UNC5D: variants seen among roughly 807,000 people sequenced by gnomAD.
The protein encoded by UNC5D is netrin receptor UNC5D.
Under a neutral mutation model 105.4 loss-of-function variants are expected in UNC5D, and 39 were observed. The ratio of observed to expected loss-of-function variants is 0.37; its 90% CI spans 0.29 to 0.48. UNC5D has a LOEUF of 0.48. Ranked by LOEUF, UNC5D falls within the 20% of genes least tolerant of loss-of-function variation. The probability of loss-of-function intolerance (pLI) is 0.98; values close to 1 mark genes in which losing one functional copy is unlikely to be tolerated. For synonymous variants in UNC5D, 452 were observed against 450.4 expected, an observed-to-expected ratio of 1.00 and a Z score of -0.04; for missense variants, 991 against 1,202.4, an observed-to-expected ratio of 0.82 and a Z score of 2.60.
At chr8:35,430,096 A>G (rs1298010074) in intron 1 of UNC5D, among the ~76,000 whole-genome samples, 12 of 152,106 alleles carry the variant, frequency 7.9e-5, no homozygotes, top group Non-Finnish European at 7.4e-5. Context: ...AAGTAGCTCC[A>G]GGATGGTGAC....
rs751336124 is a variant in UNC5D, at chr8:35,790,424, G to T, written c.2723G>T (p.Arg908Leu). Reference sequence around the variant, plus strand: ...GTCATTTTGAACCTGTGGGAAGCTCGTCATCAGCATGATGGTGATCTTGAC... The same window carrying T: ...GTCATTTTGAACCTGTGGGAAGCTCTTCATCAGCATGATGGTGATCTTGAC... ...SAVILNLWEA[R>L]HQHDGDLDSL... The change falls in exon 17 of 17, where the codon CGT becomes CTT. Residue 908 changes from arginine (R) to leucine (L), a missense_variant. This residue lies in a region of UNC5D where 45 missense variants were observed against 54.5 expected (regional missense o/e 0.83). Transcript: ENST00000404895. 6.2e-7 allele frequency: 1 copy of T among 1,613,894 alleles called. No individual in the cohort carries two copies.
intron 1 of UNC5D, among the ~76,000 whole-genome samples, chr8:35,238,009 C>G (rs888773205): frequency 3.4e-4 from 51 of 152,200 alleles, no homozygotes; most frequent in African/African-American, 1.2e-3. Context: ...GACCACTAGT[C>G]TCACCATACT....
intron 4 of UNC5D, among the ~76,000 whole-genome samples, chr8:35,635,437 C>T (rs1253526420): frequency 6.6e-6 from 1 of 152,166 alleles, no homozygotes; most frequent in African/African-American, 2.4e-5. Context: ...CCAAGGTCTA[C>T]TCACCTATCC....
intron 6 of UNC5D, among the ~76,000 whole-genome samples, chr8:35,684,973 C>A (rs926811714): frequency 6.6e-6 from 1 of 152,216 alleles, no homozygotes; most frequent in Non-Finnish European, 1.5e-5. Context: ...TCAGATGACA[C>A]TGAACATTCA....
At chr8:35,588,947 G>A (rs1818971972) in intron 3 of UNC5D, among the ~76,000 whole-genome samples, 1 of 152,064 alleles carries the variant, frequency 6.6e-6, no homozygotes, top group East Asian at 1.9e-4. Context: ...GGAGGTTGAG[G>A]CAGGAGAATT....
At chr8:35,631,672 T>C (rs894816680) in intron 4 of UNC5D, among the ~76,000 whole-genome samples, 7 of 152,192 alleles carry the variant, frequency 4.6e-5, no homozygotes, top group African/African-American at 1.7e-4. Flanking sequence ...CTTATTCTGA[T>C]CTTACTGACA....
intron 1 of UNC5D, among the ~76,000 whole-genome samples, chr8:35,435,760 A>T (rs1264678612): frequency 6.6e-6 from 1 of 152,102 alleles, no homozygotes; most frequent in Non-Finnish European, 1.5e-5. Context: ...CCTCTGGTTT[A>T]TGGAATCATT....
At chr8:35,693,379 TG>T (rs2131383073) in intron 7 of UNC5D, among the ~76,000 whole-genome samples, 1 of 152,314 alleles carries the variant, frequency 6.6e-6, no homozygotes, top group South Asian at 2.1e-4. Flanking sequence ...TTTTATGCCT[TG>T]TTAATAAAAA....
At chr8:35,344,983 A>C (rs1811703726) in intron 1 of UNC5D, among the ~76,000 whole-genome samples, 1 of 152,034 alleles carries the variant, frequency 6.6e-6, no homozygotes, top group Non-Finnish European at 1.5e-5. Context: ...TAATCTAAAC[A>C]TGTGTCTAGC....
chr8:35,393,943 T>C (rs988923667), intron 1 of UNC5D, among the ~76,000 whole-genome samples: 2 of 152,186 alleles, frequency 1.3e-5, no homozygotes, highest in African/African-American at 2.4e-5. Flanking sequence ...TTTGCTTTCA[T>C]CTTCTTTTTT....
chr8:35,677,894 GTGTGTGTGTGTGTA>G (rs975156775), intron 4 of UNC5D, among the ~76,000 whole-genome samples: 24 of 150,538 alleles, frequency 1.6e-4, no homozygotes, highest in Non-Finnish European at 3.0e-4. Flanking sequence ...GAGTGTCTGT[GTGTGTGTGTGTGTA>G]TGTGTGTGTG....
chr8:35,572,116 G>T (rs568638972), intron 3 of UNC5D, among the ~76,000 whole-genome samples: 2 of 151,792 alleles, frequency 1.3e-5, no homozygotes, highest in African/African-American at 4.8e-5. Context: ...TCGAAACCCC[G>T]TCTTTACAAA....
intron 1 of UNC5D, among the ~76,000 whole-genome samples, chr8:35,486,964 A>G (rs1810861813): frequency 6.6e-6 from 1 of 152,164 alleles, no homozygotes; most frequent in African/African-American, 2.4e-5. Context: ...CTCCCAGGAC[A>G]GGGCTCAGGC....
At chr8:35,693,468 T>C (rs1563675822) in intron 7 of UNC5D, among the ~76,000 whole-genome samples, 2 of 152,196 alleles carry the variant, frequency 1.3e-5, no homozygotes, top group East Asian at 1.9e-4. Context: ...TTATGATGGA[T>C]GCGTATTTCA....
chr8:35,544,225 G>T (rs1455604564), intron 1 of UNC5D, among the ~76,000 whole-genome samples: 2 of 152,102 alleles, frequency 1.3e-5, no homozygotes, highest in African/African-American at 2.4e-5. Flanking sequence ...TTCTGCTAAC[G>T]GAGTTTCCAC....
At chr8:35,637,071 A>G (rs1163141579) in intron 4 of UNC5D, among the ~76,000 whole-genome samples, 1 of 152,220 alleles carries the variant, frequency 6.6e-6, no homozygotes, top group Non-Finnish European at 1.5e-5. Flanking sequence ...GATCATGCCC[A>G]GGAACATAGT....
At chr8:35,255,920 A>G (rs1314315497) in intron 1 of UNC5D, 1 of 152,220 alleles carries the variant, frequency 6.6e-6, no homozygotes, top group Non-Finnish European at 1.5e-5. Context: ...GAAATAATTA[A>G]GAGGTAGAAA....
chr8:35,708,305 A>T (rs577166476), intron 8 of UNC5D, among the ~76,000 whole-genome samples: 1 of 152,286 alleles, frequency 6.6e-6, no homozygotes. Flanking sequence ...AACTGGGGAA[A>T]ATATGTGCAC....
intron 1 of UNC5D, among the ~76,000 whole-genome samples, chr8:35,344,526 T>G (rs773014762): frequency 6.6e-6 from 1 of 152,050 alleles, no homozygotes; most frequent in Admixed American, 6.6e-5. Context: ...TTGGGAGTGC[T>G]TTAAATATTG....
Sources: allele counts gnomAD v4.1 joint callset (sites outside exome capture counted in the v4.1 genomes callset), GRCh38; gene constraint gnomAD v4.1.1; regional missense constraint gnomAD v4.1.1; transcripts MANE v1.5; gene names NCBI Gene and HGNC (gene_info 2026-07-23, HGNC 2026-07-21).